The following C3orf20 variants were observed in gnomAD, a reference collection of about 807,000 sequenced individuals.
The protein encoded by C3orf20 is family with sequence similarity 149 member C, also known as uncharacterized protein C3orf20.
In C3orf20, 76 loss-of-function variants were observed where a neutral mutation model predicts 88.3. That is an observed-to-expected ratio of 0.86 (90% confidence interval 0.72 to 1.04). C3orf20 has a LOEUF of 1.04. Among genes scored for constraint, C3orf20 ranks in the 50% least tolerant of loss-of-function variants. The probability of loss-of-function intolerance (pLI) is 0.00; values close to 1 mark genes in which losing one functional copy is unlikely to be tolerated. For synonymous variants in C3orf20, 436 were observed against 437.4 expected, an observed-to-expected ratio of 1.00 and a Z score of 0.04; for missense variants, 1,056 against 1,123.3, an observed-to-expected ratio of 0.94 and a Z score of 0.86.
intron 1 of C3orf20, among the ~76,000 whole-genome samples, 182 bp from the exon 2 acceptor site, chr3:14,681,988 A>C (rs550704222): frequency 6.6e-6 from 1 of 152,228 alleles, no homozygotes; most frequent in Admixed American, 6.5e-5. Context: ...ACATTTTCCA[A>C]CTTTAACATC....
intron 15 of C3orf20, chr3:14,765,191 T>C (rs1310931723): frequency 6.6e-6 from 1 of 152,222 alleles, no homozygotes; most frequent in Non-Finnish European, 1.5e-5. Flanking sequence ...GGCCGGTCCA[T>C]TTATTTTCTA....
rs1446061866 is a variant in C3orf20, at chr3:14,768,579, C to T, written c.2496-3488C>T. 6.6e-6 allele frequency among the ~76,000 whole-genome samples: 1 copy of T among 151,940 alleles called. No individual in the cohort carries two copies. The highest frequency in any genetic ancestry group is 2.4e-5 in the African/African-American group (1 of 41,252). The stretch of plus-strand genomic sequence containing the variant: ...TGGCAGGGACTGGGTTGGGGCTAAG[C>T]AGGGTATCATGAGCTTGTCACAGCA... On this transcript the variant is annotated intron_variant, in intron 15 of 16. Coordinates refer to ENST00000253697, the MANE Select transcript of C3orf20 (RefSeq NM_032137.5). This position sits in a 1 kb window ranked among gnomAD's most constrained non-coding sequence, Gnocchi z 4.1.
At chr3:14,720,540 GTT>G (rs2034117073) in intron 9 of C3orf20, among the ~76,000 whole-genome samples, 1 of 24,660 alleles carries the variant, frequency 4.1e-5, no homozygotes, top group Non-Finnish European at 9.5e-5. Context: ...AGTGGTTGTT[GTT>G]GTTGTTGTTG....
At chr3:14,675,790 A>G (rs1464823029) in intron 1 of C3orf20, among the ~76,000 whole-genome samples, 1 of 152,076 alleles carries the variant, frequency 6.6e-6, no homozygotes, top group African/African-American at 2.4e-5. Flanking sequence ...CCCCGGGTTC[A>G]AGTGATTCTC....
chr3:14,702,766 A>G (rs946709116), intron 5 of C3orf20, among the ~76,000 whole-genome samples: 5 of 152,062 alleles, frequency 3.3e-5, no homozygotes, highest in African/African-American at 9.7e-5. Flanking sequence ...AAAAGCAATC[A>G]TGCGTTCCCA....
intron 5 of C3orf20, among the ~76,000 whole-genome samples, chr3:14,692,484 C>T (rs2032783325): frequency 6.6e-6 from 1 of 152,136 alleles, no homozygotes; most frequent in African/African-American, 2.4e-5. Flanking sequence ...ATTTGCATTT[C>T]TCTGACTATC....
chr3:14,772,849 T>G lies in C3orf20; in HGVS notation c.2689T>G (p.Trp897Gly). Residue 897 changes from tryptophan (W) to glycine (G), a missense_variant, in exon 17 of 17, where the codon TGG becomes GGG. Physicochemically the swap from Trp to Gly is radical, Grantham distance 184. Coordinates refer to ENST00000253697, the MANE Select transcript of C3orf20 (RefSeq NM_032137.5). This position sits in a 1 kb window ranked among gnomAD's most constrained non-coding sequence, Gnocchi z 4.2. ...CAGCAGGGACAGCAAGATAACTAGT[T>G]GGAAGAAGCAGGCCTCCAAGAAGTA... The part of the protein sequence containing the change: ...PLSRDSKITS[W>G]KKQASKK 1 of 1,613,998 alleles carries G rather than the reference T, an allele frequency of 6.2e-7. No homozygotes were observed. The highest frequency in any genetic ancestry group is 8.5e-7 in the Non-Finnish European group (1 of 1,179,952).
chr3:14,747,983 T>G (rs1417439906), intron 12 of C3orf20, among the ~76,000 whole-genome samples: 2 of 152,094 alleles, frequency 1.3e-5, no homozygotes, highest in Non-Finnish European at 2.9e-5. Flanking sequence ...TTGTCTGGCT[T>G]TGGTATCAGG....
At chr3:14,690,392 G>A (rs2032667672) in intron 5 of C3orf20, among the ~76,000 whole-genome samples, 1 of 152,134 alleles carries the variant, frequency 6.6e-6, no homozygotes, top group African/African-American at 2.4e-5. Flanking sequence ...CCTCCTCTGG[G>A]ACAACATCCC....
At chr3:14,729,938 C>G (rs887882935) in intron 12 of C3orf20, among the ~76,000 whole-genome samples, 1 of 152,174 alleles carries the variant, frequency 6.6e-6, no homozygotes, top group African/African-American at 2.4e-5. Context: ...GAAAAATGAG[C>G]AAATCCTAAG....
chr3:14,677,781 G>A (rs1333711937), intron 1 of C3orf20, among the ~76,000 whole-genome samples: 1 of 152,152 alleles, frequency 6.6e-6, no homozygotes, highest in Non-Finnish European at 1.5e-5. Flanking sequence ...GATTACAGGT[G>A]TGGGCCACCA....
In C3orf20 at chr3:14,704,584, C is replaced by A; in HGVS notation, c.1126C>A (p.His376Asn). ...GGCACCCAAGAAGGCCTTCAAGTTTCATTACACCTTCTATGATGGCTCCTC... is the reference window on the plus strand; with the variant it reads ...GGCACCCAAGAAGGCCTTCAAGTTTAATTACACCTTCTATGATGGCTCCTC... ...GKAPKKAFKF[H>N]YTFYDGSSFV... is the part of the protein sequence containing the mutation. Residue 376 changes from histidine to asparagine, a missense_variant, in exon 7 of 17, where the codon CAT becomes AAT. His to Asn is a moderately conservative substitution (Grantham distance 68). Transcript: ENST00000253697. The A allele has an allele frequency of 6.2e-7, 1 of 1,614,098 alleles. No individual in the cohort carries two copies. The highest frequency in any genetic ancestry group is 8.5e-7 in the Non-Finnish European group (1 of 1,180,036).
intron 4 of C3orf20, among the ~76,000 whole-genome samples, chr3:14,688,738 A>G (rs912936586): frequency 6.6e-6 from 1 of 152,028 alleles, no homozygotes; most frequent in Non-Finnish European, 1.5e-5. Flanking sequence ...TGCCATCTTC[A>G]TATAAGAGCT....
intron 7 of C3orf20, among the ~76,000 whole-genome samples, chr3:14,705,848 C>CTT: frequency 1.3e-5 from 2 of 152,194 alleles, no homozygotes; most frequent in African/African-American, 4.8e-5. Context: ...CATGGTGTGA[C>CTT]TGACTGTATG....
At chr3:14,744,448 C>T (rs1287713994) in intron 12 of C3orf20, among the ~76,000 whole-genome samples, 1 of 151,882 alleles carries the variant, frequency 6.6e-6, no homozygotes, top group African/African-American at 2.4e-5. Flanking sequence ...CCCACATTTT[C>T]CTGTCTTCTT....
chr3:14,710,582 C>T (rs1030476379), intron 7 of C3orf20, among the ~76,000 whole-genome samples: 5 of 152,050 alleles, frequency 3.3e-5, no homozygotes, highest in African/African-American at 1.2e-4. Flanking sequence ...TATAATTTCC[C>T]TTGTGATTTC....
At chr3:14,677,027 G>A (rs1015538325) in intron 1 of C3orf20, among the ~76,000 whole-genome samples, 3 of 152,152 alleles carry the variant, frequency 2.0e-5, no homozygotes, top group African/African-American at 7.2e-5. Flanking sequence ...TATGCATCTA[G>A]TGAGGGCTGA....
intron 12 of C3orf20, among the ~76,000 whole-genome samples, chr3:14,737,021 C>T (rs1161835841): frequency 1.3e-5 from 2 of 152,134 alleles, no homozygotes; most frequent in African/African-American, 4.8e-5. Context: ...GAAGATATTG[C>T]ATCTTTTTTT....
rs147606619 is a variant in C3orf20 at position 14,758,426 on chromosome 3, T to C, written c.2244+752T>C. Among the ~76,000 whole-genome samples the C allele has an allele frequency of 6.2e-4, 94 of 151,960 alleles. No homozygotes were observed. In the East Asian group the frequency reaches 0.013, roughly 21 times the overall value. ...CTGCCTACTCATCGCTGCAGTAGAGTCGTTCCCACCTATCAGGCTTATGTA... is the reference window on the plus strand; with the variant it reads ...CTGCCTACTCATCGCTGCAGTAGAGCCGTTCCCACCTATCAGGCTTATGTA... On this transcript the variant is annotated intron_variant, in intron 13 of 16. Coordinates refer to ENST00000253697, the MANE Select transcript of C3orf20 (RefSeq NM_032137.5).
Sources: allele counts gnomAD v4.1 joint callset (sites outside exome capture counted in the v4.1 genomes callset), GRCh38; gene constraint gnomAD v4.1.1; non-coding constraint Gnocchi (gnomAD v3.1); transcripts MANE v1.5; gene names NCBI Gene and HGNC (gene_info 2026-07-23, HGNC 2026-07-21).